Variants in SLC5A11 observed in about 807,000 individuals in gnomAD.
SLC5A11 encodes the protein solute carrier family 5 member 11.
In SLC5A11, 48 loss-of-function variants were observed where a neutral mutation model predicts 69.8. The ratio of observed to expected loss-of-function variants is 0.69; its 90% CI spans 0.55 to 0.87. SLC5A11 has a LOEUF of 0.87. SLC5A11 is among the 40% of genes least tolerant of loss of function. SLC5A11 has a pLI of 0.00. For missense variants in SLC5A11, 784 were observed against 866.1 expected, an observed-to-expected ratio of 0.91 and a Z score of 1.19; for synonymous variants, 319 against 342.4, an observed-to-expected ratio of 0.93 and a Z score of 0.75.
chr16:24,880,335 T>TTTTTC (rs977265527), intron 7 of SLC5A11, among the ~76,000 whole-genome samples: 4 of 151,936 alleles, frequency 2.6e-5, no homozygotes, highest in African/African-American at 4.8e-5. Flanking sequence ...GCTACACACT[T>TTTTTC]TTTTCTTTTC....
intron 13 of SLC5A11, among the ~76,000 whole-genome samples, 163 bp downstream of exon 14, chr16:24,908,294 A>C (rs986178623): frequency 6.6e-6 from 1 of 152,020 alleles, no homozygotes; most frequent in Non-Finnish European, 1.5e-5. Context: ...TGTTTATCTG[A>C]CCTTTGCAAA....
chr16:24,863,083 A>ATATATAATAGAAATATATTT (rs2046703092), intron 3 of SLC5A11, among the ~76,000 whole-genome samples: 1 of 143,568 alleles, frequency 7.0e-6, no homozygotes, highest in East Asian at 1.9e-4. Context: ...TTTATATATT[A>ATATATAATAGAAATATATTT]TATATAATAG....
rs113799415 is a variant in SLC5A11, at chr16:24,904,429, T to C, written c.1007-2228T>C. ...CCAGCATTTATTATGTTTTGTCTTTTTGATGATCCCCATTCTAACTAGGGT... is the reference window on the plus strand; with the variant it reads ...CCAGCATTTATTATGTTTTGTCTTTCTGATGATCCCCATTCTAACTAGGGT... On this transcript the variant is annotated intron_variant, in intron 10 of 15. Coordinates refer to ENST00000347898, the Ensembl canonical transcript of SLC5A11. 1.2e-3 allele frequency among the ~76,000 whole-genome samples: 184 copies of C among 152,338 alleles called. 1 individual carries two copies. Among genetic ancestry groups the C allele is most frequent in the African/African-American group, 4.2e-3 (176 of 41,576 alleles).
At chr16:24,857,572 C>T (rs2059589001) in intron 1 of SLC5A11, among the ~76,000 whole-genome samples, 1 of 152,152 alleles carries the variant, frequency 6.6e-6, no homozygotes, top group African/African-American at 2.4e-5. Flanking sequence ...TCCTAGAAGC[C>T]ACCTGCACTC....
At position 24,898,023 on chromosome 16, in the gene SLC5A11, G is replaced by C; in HGVS notation, c.920G>C (p.Gly307Ala). ...GCCAAGAACCTGTCCCATGCCAAAGGAGGTGCTCTGATGGCTGCATACCTG... is the reference window on the plus strand; with the variant it reads ...GCCAAGAACCTGTCCCATGCCAAAGCAGGTGCTCTGATGGCTGCATACCTG... The change falls in exon 10 of 16, where the codon GGA becomes GCA. Residue 307 changes from glycine to alanine, a missense_variant. By Grantham distance (60) the Gly-to-Ala change is moderately conservative (BLOSUM62 0). Transcript: ENST00000347898. The C allele has an allele frequency of 2.5e-6, 4 of 1,614,148 alleles. No homozygotes were observed. In the South Asian group the frequency reaches 4.4e-5, roughly 18 times the overall value.
intron 11 of SLC5A11, 127 bp from the exon 13 acceptor site, chr16:24,906,898 G>T: frequency 1.4e-6 from 2 of 1,438,600 alleles, no homozygotes; most frequent in Non-Finnish European, 1.9e-6. Flanking sequence ...CCCAAGAAAG[G>T]CTACGTCCTG....
chr16:24,904,982 CCTT>C (rs768623773), intron 10 of SLC5A11, among the ~76,000 whole-genome samples: 1 of 151,912 alleles, frequency 6.6e-6, no homozygotes, highest in Non-Finnish European at 1.5e-5. Flanking sequence ...ATGTTCCCCT[CCTT>C]GTGTCCATGT....
chr16:24,868,726 G>A (rs139936181), intron 3 of SLC5A11, among the ~76,000 whole-genome samples: 224 of 152,234 alleles, frequency 1.5e-3, no homozygotes, highest in African/African-American at 5.2e-3. Context: ...ATAAGAAGCA[G>A]AGACAGGAAA....
intron 3 of SLC5A11, 105 bp downstream of exon 4, chr16:24,862,777 T>C: frequency 1.1e-6 from 1 of 942,138 alleles, no homozygotes; most frequent in African/African-American, 1.6e-5. Context: ...TCATGTCGTT[T>C]GGAAGTCATT....
intron 10 of SLC5A11, among the ~76,000 whole-genome samples, chr16:24,904,170 T>TG (rs1026720112): frequency 3.9e-5 from 6 of 152,166 alleles, no homozygotes; most frequent in Non-Finnish European, 7.3e-5. Context: ...TCCCTCGACA[T>TG]GGGGGGATTA....
chr16:24,864,218 CCTAAGCT>C, intron 3 of SLC5A11, among the ~76,000 whole-genome samples: 1 of 152,222 alleles, frequency 6.6e-6, no homozygotes. Context: ...CCGAGAAAGC[CCTAAGCT>C]CTTGCCTCTG....
chr16:24,888,437 G>A (rs920506940), intron 8 of SLC5A11, among the ~76,000 whole-genome samples: 4 of 146,542 alleles, frequency 2.7e-5, no homozygotes, highest in African/African-American at 1.0e-4. Context: ...GAAAAAAGAA[G>A]ATGACATTAT....
intron 6 of SLC5A11, among the ~76,000 whole-genome samples, chr16:24,876,560 T>A (rs996109316): frequency 2.0e-5 from 3 of 152,094 alleles, no homozygotes; most frequent in Admixed American, 2.0e-4. Flanking sequence ...GAGCTTGTCC[T>A]ATGGGAAGGG....
At chr16:24,869,771 A>G (rs1318396095) in intron 3 of SLC5A11, 130 bp from the exon 5 acceptor site, 1 of 620,356 alleles carries the variant, frequency 1.6e-6, no homozygotes, top group East Asian at 2.8e-5. Flanking sequence ...AAAATGCCAG[A>G]TAGGCTAGGG....
intron 6 of SLC5A11, 79 bp from the exon 8 acceptor site, chr16:24,877,179 C>G: frequency 1.9e-6 from 3 of 1,577,822 alleles, no homozygotes; most frequent in Non-Finnish European, 2.6e-6. Context: ...GGCCCTGATC[C>G]CAGGGAACCT....
chr16:24,873,301 G>A (rs922541504), intron 5 of SLC5A11, among the ~76,000 whole-genome samples: 7 of 142,850 alleles, frequency 4.9e-5, no homozygotes, highest in Admixed American at 1.4e-4. Context: ...AAGGAAGGAA[G>A]GAAATAAATA....
rs115301230 is a variant in SLC5A11 at position 24,901,077 on chromosome 16, C to T, written c.1006+2968C>T. ...AGGCCCAGGCCTGAATTTGCTCTGC[C>T]GCTTATGAGGTGTTTGAACTTGCAT... On this transcript the variant is annotated intron_variant, in intron 10 of 15. Transcript: ENST00000347898. Among the ~76,000 whole-genome samples the T allele has an allele frequency of 7.4e-3, 1,133 of 152,188 alleles. 16 individuals carry two copies. The highest frequency in any genetic ancestry group is 0.025 in the African/African-American group (1,051 of 41,528).
At chr16:24,910,210 G>A in intron 14 of SLC5A11, 96 bp from the exon 16 acceptor site, 2 of 1,292,520 alleles carry the variant, frequency 1.5e-6, no homozygotes, top group Non-Finnish European at 2.2e-6. Context: ...CAGACACAAA[G>A]GCTGAGTGTG....
In SLC5A11 at chr16:24,906,775, T is replaced by G. The variant is rs1313203005; in HGVS notation, c.1114+11T>G. 1 of 1,603,372 alleles carries G rather than the reference T, an allele frequency of 6.2e-7. No individual in the cohort carries two copies. Among genetic ancestry groups the G allele is most frequent in the Non-Finnish European group, 8.5e-7 (1 of 1,172,658 alleles). On this transcript the variant is annotated intron_variant, in intron 11 of 15. Transcript: ENST00000347898. Reference sequence around the variant, plus strand: ...AACTCCTGCCCACAGGTAATGTCCCTTCACTCCTGAATCAAGTCCCCTGGA... The same window carrying G: ...AACTCCTGCCCACAGGTAATGTCCCGTCACTCCTGAATCAAGTCCCCTGGA...
Sources: gnomAD v4.1 joint callset for allele counts (sites outside exome capture counted in the v4.1 genomes callset) on GRCh38, gnomAD v4.1.1 for gene constraint, MANE v1.5 for transcripts, NCBI Gene and HGNC (gene_info 2026-07-23, HGNC 2026-07-21) for gene names.